MRTFA: variants seen among roughly 807,000 people sequenced by gnomAD.
MRTFA encodes myocardin related transcription factor A.
Under a neutral mutation model 83.5 loss-of-function variants are expected in MRTFA, and 20 were observed. That is an observed-to-expected ratio of 0.24 (90% CI 0.17 to 0.35). The LOEUF (loss-of-function observed/expected upper bound fraction) is 0.35. Among genes scored for constraint, MRTFA ranks in the 10% least tolerant of loss-of-function variants. The pLI is 1.00. For synonymous variants in MRTFA, 659 were observed against 541.2 expected (o/e 1.22, Z -3.02); for missense variants, 1,200 against 1,224.7 (o/e 0.98, Z 0.30).
Position 40,470,231 on chromosome 22 carries a change from TTATA to T in MRTFA, c.242-6949_242-6946del, listed in dbSNP as rs71328709. Among the ~76,000 whole-genome samples, 349 of 45,466 alleles carry T rather than the reference TTATA, an allele frequency of 7.7e-3. 1 individual carries two copies. Among genetic ancestry groups the T allele is most frequent in the Middle Eastern group, 0.012 (1 of 82 alleles). 29.8% of individuals were successfully genotyped at this position (45,466 alleles called of 152,430 possible). ...ACAGCAAGACCCCATCTCCAAAATT[TTATA>T]TATATATATATATATATATATATAT... On this transcript the variant is annotated intron_variant, in intron 3 of 14. Coordinates refer to ENST00000355630, the MANE Select transcript of MRTFA (RefSeq NM_020831.6).
chr22:40,451,975 G>T (rs77877086), intron 4 of MRTFA, among the ~76,000 whole-genome samples: 1,566 of 80,318 alleles, frequency 0.019, 53 homozygotes, highest in Middle Eastern at 0.081. Context: ...TTTTTTTTTG[G>T]TTTTTTTTTT....
chr22:40,502,603 A>G (rs2054511658), intron 3 of MRTFA, among the ~76,000 whole-genome samples: 1 of 145,106 alleles, frequency 6.9e-6, no homozygotes, highest in Admixed American at 6.8e-5. Context: ...CTCACATCCC[A>G]GACGATGGGC....
At chr22:40,429,179 A>G (rs1265819003) in intron 7 of MRTFA, among the ~76,000 whole-genome samples, 2 of 152,196 alleles carry the variant, frequency 1.3e-5, no homozygotes, top group African/African-American at 2.4e-5. Flanking sequence ...TGGGTCCATC[A>G]GTATTTGTTA....
At chr22:40,582,640 C>T (rs1289140188) in intron 2 of MRTFA, among the ~76,000 whole-genome samples, 2 of 150,908 alleles carry the variant, frequency 1.3e-5, no homozygotes, top group Non-Finnish European at 2.9e-5. Flanking sequence ...CAGCCACAGA[C>T]GAAGGTTTTA....
chr22:40,411,223 A>G lies in MRTFA; in HGVS notation c.*167T>C, dbSNP rs1357407092. ...TCTCCTCTGCCCTGCGTGGCACTGA[A>G]CCAGGAGTAAGGGCTTCTCTGTTCT... On this transcript the variant is annotated 3_prime_UTR_variant, in exon 15 of 15. Coordinates refer to ENST00000355630, the MANE Select transcript of MRTFA (RefSeq NM_020831.6). 1 of 698,874 alleles carries G rather than the reference A, an allele frequency of 1.4e-6. No homozygotes were observed. The highest frequency in any genetic ancestry group is 2.2e-6 in the Non-Finnish European group (1 of 445,186). The allele number at this position is 698,874 out of a possible 1,614,324, so 43.3% of individuals were successfully genotyped here.
intron 3 of MRTFA, chr22:40,519,649 T>C (rs113763249): frequency 2.0e-5 from 25 of 1,251,278 alleles, no homozygotes; most frequent in African/African-American, 7.8e-5. Context: ...ATAAAAGCAA[T>C]AGAATGTTCC....
rs1034087067 is a variant in MRTFA at position 40,599,391 on chromosome 22, A to C, written c.-83-4656T>G. 2.4e-4 allele frequency among the ~76,000 whole-genome samples: 36 copies of C among 152,214 alleles called. 1 individual carries two copies. Among genetic ancestry groups the C allele is most frequent in the Admixed American group, 2.4e-3 (36 of 15,280 alleles). Reference sequence around the variant, plus strand: ...CATACGCACATAGACTCTCCAGTGGAAATTTAGCTTTTAAAAGATTTCCTT... The same window carrying C: ...CATACGCACATAGACTCTCCAGTGGCAATTTAGCTTTTAAAAGATTTCCTT... On this transcript the variant is annotated intron_variant, in intron 1 of 14. Coordinates refer to ENST00000355630, the MANE Select transcript of MRTFA (RefSeq NM_020831.6).
intron 1 of MRTFA, among the ~76,000 whole-genome samples, chr22:40,633,522 C>A (rs1011069982): frequency 7.9e-5 from 12 of 152,106 alleles, no homozygotes; most frequent in African/African-American, 2.9e-4. Context: ...ATTTAAGCTG[C>A]ACTCTCAAAG....
chr22:40,452,167 TAGAGAC>T, intron 4 of MRTFA, among the ~76,000 whole-genome samples: 1 of 151,952 alleles, frequency 6.6e-6, no homozygotes, highest in African/African-American at 2.4e-5. Flanking sequence ...GTATTTTTAG[TAGAGAC>T]AGAGGTTTCA....
At chr22:40,603,593 C>G (rs977827300) in intron 1 of MRTFA, among the ~76,000 whole-genome samples, 1 of 152,028 alleles carries the variant, frequency 6.6e-6, no homozygotes, top group East Asian at 1.9e-4. Flanking sequence ...AGGAGACAAA[C>G]GGAATTTTTG....
chr22:40,568,134 G>C (rs2055733279), intron 2 of MRTFA, among the ~76,000 whole-genome samples: 1 of 152,146 alleles, frequency 6.6e-6, no homozygotes, highest in Non-Finnish European at 1.5e-5. Flanking sequence ...GCACCTACCA[G>C]AGCCACAATG....
At chr22:40,594,376 T>TAGGG (rs2056161906) in intron 2 of MRTFA, among the ~76,000 whole-genome samples, 1 of 151,836 alleles carries the variant, frequency 6.6e-6, no homozygotes, top group South Asian at 2.1e-4. Context: ...ATTAAAGAGG[T>TAGGG]AGGGGTATGT....
intron 3 of MRTFA, among the ~76,000 whole-genome samples, chr22:40,500,333 GTTT>G (rs1374886102): frequency 6.0e-5 from 4 of 66,924 alleles, no homozygotes; most frequent in Non-Finnish European, 1.3e-4. Flanking sequence ...TTTTGTTACA[GTTT>G]TTATTTTTTT....
intron 4 of MRTFA, among the ~76,000 whole-genome samples, chr22:40,451,529 G>C (rs2053486694): frequency 6.6e-6 from 1 of 152,172 alleles, no homozygotes; most frequent in African/African-American, 2.4e-5. Flanking sequence ...TGGAGACGCA[G>C]GATGCTCAAT....
intron 3 of MRTFA, among the ~76,000 whole-genome samples, chr22:40,540,174 A>T (rs1423348671): frequency 6.6e-6 from 1 of 151,986 alleles, no homozygotes; most frequent in East Asian, 1.9e-4. Flanking sequence ...AGCCTCCCAA[A>T]GTGGTAGGAT....
intron 3 of MRTFA, 109 bp from the exon 4 acceptor site, chr22:40,463,395 G>T: frequency 2.3e-6 from 2 of 867,686 alleles, no homozygotes; most frequent in South Asian, 1.4e-5. Flanking sequence ...GATGTAGTGT[G>T]AAAGAAGGGT....
intron 3 of MRTFA, among the ~76,000 whole-genome samples, chr22:40,506,521 T>C (rs2054582818): frequency 6.6e-6 from 1 of 152,216 alleles, no homozygotes; most frequent in Non-Finnish European, 1.5e-5. Context: ...GTGGTATTTA[T>C]CCCCAATATC....
chr22:40,578,631 G>C (rs1449920491), intron 2 of MRTFA, among the ~76,000 whole-genome samples: 1 of 151,960 alleles, frequency 6.6e-6, no homozygotes, highest in Non-Finnish European at 1.5e-5. Flanking sequence ...TAGAAAAGTA[G>C]CGAGTTGAGG....
intron 3 of MRTFA, among the ~76,000 whole-genome samples, chr22:40,548,821 G>A (rs755956651): frequency 3.3e-5 from 5 of 151,154 alleles, no homozygotes; most frequent in East Asian, 1.9e-4. Flanking sequence ...TCAAGATCGC[G>A]CCACTGCACT....
Sources: gnomAD v4.1 joint callset for allele counts (sites outside exome capture counted in the v4.1 genomes callset) on GRCh38, gnomAD v4.1.1 for gene constraint, MANE v1.5 for transcripts, NCBI Gene and HGNC (gene_info 2026-07-23, HGNC 2026-07-21) for gene names.